ZNF385D: variants seen among roughly 807,000 people sequenced by gnomAD.
ZNF385D encodes the protein zinc finger protein 659.
In ZNF385D, 15 loss-of-function variants were observed where a neutral mutation model predicts 35.8. The ratio of observed to expected loss-of-function variants is 0.42; its 90% CI spans 0.28 to 0.64. ZNF385D has a LOEUF of 0.64. Ranked by LOEUF, ZNF385D falls within the 30% of genes least tolerant of loss-of-function variation. The pLI is 0.23. For synonymous variants in ZNF385D, 212 were observed against 186.8 expected (o/e 1.13, Z -1.10); for missense variants, 474 against 494.6 (o/e 0.96, Z 0.39).
At chr3:22,026,472 G>A (rs577083039) in intron 3 of ZNF385D, among the ~76,000 whole-genome samples, 56 of 152,268 alleles carry the variant, frequency 3.7e-4, no homozygotes, top group Middle Eastern at 3.4e-3. Flanking sequence ...TTGATTTTAG[G>A]GGATCCAGAA....
intron 2 of ZNF385D, among the ~76,000 whole-genome samples, chr3:22,271,684 C>A (rs564575326): frequency 6.6e-6 from 1 of 151,880 alleles, no homozygotes; most frequent in Admixed American, 6.6e-5. Flanking sequence ...AAAAACTCCC[C>A]CCACCCTCTG....
intron 4 of ZNF385D, among the ~76,000 whole-genome samples, chr3:21,466,341 G>A (rs1313156622): frequency 6.6e-6 from 1 of 152,058 alleles, no homozygotes; most frequent in Non-Finnish European, 1.5e-5. Context: ...TCATATTGAA[G>A]TTTATTCTTT....
In ZNF385D at chr3:22,276,866, G is replaced by C. The variant is rs116067584; in HGVS notation, c.106+95584C>G. 4.8e-3 allele frequency among the ~76,000 whole-genome samples: 736 copies of C among 152,128 alleles called. 3 individuals carry two copies. The highest frequency in any genetic ancestry group is 0.017 in the African/African-American group (700 of 41,542). On this transcript the variant is annotated intron_variant, in intron 2 of 5. Transcript: ENST00000494108. ...GGGTACAATTTTAGTTTCTTTTCCT[G>C]TTCTAAAATTTTTATATCTGAAAAT...
At chr3:21,703,244 A>T (rs2067760716) in intron 1 of ZNF385D, among the ~76,000 whole-genome samples, 1 of 152,174 alleles carries the variant, frequency 6.6e-6, no homozygotes, top group Admixed American at 6.5e-5. Context: ...AAAAATAAGG[A>T]AGAAGCAAAA....
intron 3 of ZNF385D, among the ~76,000 whole-genome samples, chr3:22,013,839 C>T (rs1362868325): frequency 2.0e-5 from 3 of 152,078 alleles, no homozygotes; most frequent in African/African-American, 7.2e-5. Flanking sequence ...CAGCAACCCC[C>T]TCCCCCTCCC....
chr3:21,553,997 A>T (rs2062648765), intron 3 of ZNF385D, among the ~76,000 whole-genome samples: 2 of 152,156 alleles, frequency 1.3e-5, no homozygotes, highest in South Asian at 4.1e-4. Context: ...ATCCATGAAC[A>T]TTGGAAGAAA....
chr3:21,801,976 C>G (rs1158866795), intron 3 of ZNF385D, among the ~76,000 whole-genome samples: 4 of 152,028 alleles, frequency 2.6e-5, no homozygotes, highest in East Asian at 3.9e-4. Context: ...AAAACATAAA[C>G]AATTCATAAA....
intron 7 of ZNF385D, among the ~76,000 whole-genome samples, chr3:21,422,054 C>T (rs1009390363): frequency 6.6e-6 from 1 of 152,218 alleles, no homozygotes; most frequent in Admixed American, 6.5e-5. Flanking sequence ...TCCTTCTCTA[C>T]AAAGCCAGTT....
At chr3:22,344,125 G>T (rs1160998602) in intron 2 of ZNF385D, among the ~76,000 whole-genome samples, 1 of 150,548 alleles carries the variant, frequency 6.6e-6, no homozygotes, top group Non-Finnish European at 1.5e-5. Flanking sequence ...CGTTCCATTT[G>T]GCCTCTTGTG....
intron 3 of ZNF385D, among the ~76,000 whole-genome samples, chr3:21,922,949 G>A (rs259517): frequency 0.19 from 28,172 of 152,010 alleles, 3,368 homozygotes; most frequent in East Asian, 0.38. Context: ...AAAACAAATT[G>A]CCCTGTTTGA....
upstream of ZNF385D, among the ~76,000 whole-genome samples, chr3:21,753,070 C>T (rs977207454): frequency 1.3e-5 from 2 of 152,070 alleles, no homozygotes; most frequent in Non-Finnish European, 2.9e-5. Context: ...AAAGGACTAC[C>T]TTAATCATTA....
chr3:22,151,678 CGT>C (rs1295161232), intron 3 of ZNF385D, among the ~76,000 whole-genome samples: 1 of 152,044 alleles, frequency 6.6e-6, no homozygotes. Context: ...ATGAGTAAAA[CGT>C]GTTTTACTCA....
At chr3:21,996,913 T>C (rs1695499367) in intron 3 of ZNF385D, among the ~76,000 whole-genome samples, 1 of 152,208 alleles carries the variant, frequency 6.6e-6, no homozygotes, top group Admixed American at 6.5e-5. Flanking sequence ...TCTGGCATCC[T>C]TGTCAACTGA....
At chr3:22,068,347 T>C (rs1259003575) in intron 3 of ZNF385D, among the ~76,000 whole-genome samples, 1 of 152,182 alleles carries the variant, frequency 6.6e-6, no homozygotes, top group Non-Finnish European at 1.5e-5. Flanking sequence ...GAGCTACACT[T>C]TACCGCCTGT....
intron 3 of ZNF385D, among the ~76,000 whole-genome samples, chr3:21,797,033 C>T (rs965884525): frequency 1.3e-5 from 2 of 152,206 alleles, no homozygotes; most frequent in African/African-American, 4.8e-5. Flanking sequence ...AAGAATTCCT[C>T]TCCTTGAAAG....
intron 2 of ZNF385D, among the ~76,000 whole-genome samples, chr3:21,658,010 G>A (rs576605137): frequency 2.6e-5 from 4 of 151,950 alleles, no homozygotes; most frequent in Non-Finnish European, 4.4e-5. Context: ...ATTCTGAAGG[G>A]TATATATCCA....
At chr3:21,969,274 T>A (rs576879299) in intron 3 of ZNF385D, among the ~76,000 whole-genome samples, 40 of 152,162 alleles carry the variant, frequency 2.6e-4, no homozygotes, top group African/African-American at 9.4e-4. Flanking sequence ...ACTTGCATAA[T>A]CCCCACGTGT....
At chr3:21,775,999 T>C (rs528944303) in intron 3 of ZNF385D, among the ~76,000 whole-genome samples, 1 of 151,952 alleles carries the variant, frequency 6.6e-6, no homozygotes, top group South Asian at 2.1e-4. Flanking sequence ...TAATATATTG[T>C]GATGTCCATT....
chr3:21,677,090 A>G (rs2066752570), intron 1 of ZNF385D, among the ~76,000 whole-genome samples: 1 of 152,156 alleles, frequency 6.6e-6, no homozygotes. Flanking sequence ...AAGACATCGT[A>G]AAATAGTGCA....
Sources: allele counts gnomAD v4.1 joint callset (sites outside exome capture counted in the v4.1 genomes callset), GRCh38; gene constraint gnomAD v4.1.1; transcripts MANE v1.5; gene names NCBI Gene and HGNC (gene_info 2026-07-23, HGNC 2026-07-21).